The following ASH1L variants were observed in gnomAD, a reference collection of about 807,000 sequenced individuals.
ASH1L encodes histone-lysine N-methyltransferase ASH1L.
Under a neutral mutation model 269.0 loss-of-function variants are expected in ASH1L, and 23 were observed. The ratio of observed to expected loss-of-function variants is 0.09; its 90% CI spans 0.06 to 0.12. The LOEUF (loss-of-function observed/expected upper bound fraction) is 0.12. ASH1L is among the 10% of genes least tolerant of loss of function. ASH1L has a pLI of 1.00. For synonymous variants in ASH1L, 1,187 were observed against 1,253.5 expected (o/e 0.95, Z 1.12); for missense variants, 2,912 against 3,567.8 (o/e 0.82, Z 4.68).
intron 2 of ASH1L, among the ~76,000 whole-genome samples, chr1:155,501,763 A>G (rs1171932817): frequency 1.3e-5 from 2 of 152,020 alleles, no homozygotes; most frequent in East Asian, 3.9e-4. Context: ...CCCGGGTTCA[A>G]GCGATTCTCC....
chr1:155,516,938 C>G (rs1202878292), intron 2 of ASH1L, among the ~76,000 whole-genome samples: 1 of 152,038 alleles, frequency 6.6e-6, no homozygotes, highest in African/African-American at 2.4e-5. Context: ...TAAAATATTG[C>G]TGAAAGAAAT....
At chr1:155,441,269 GA>G (rs1405541042) in intron 4 of ASH1L, among the ~76,000 whole-genome samples, 1 of 151,844 alleles carries the variant, frequency 6.6e-6, no homozygotes, top group African/African-American at 2.4e-5. Flanking sequence ...TGTTAGGTTA[GA>G]AAAGGTCTGT....
chr1:155,524,467 A>T (rs1669103502), intron 1 of ASH1L, among the ~76,000 whole-genome samples: 1 of 150,024 alleles, frequency 6.7e-6, no homozygotes, highest in Non-Finnish European at 1.5e-5. Flanking sequence ...GCTTGCAGTG[A>T]GCCGAGATTG....
intron 5 of ASH1L, among the ~76,000 whole-genome samples, chr1:155,418,946 C>T (rs1458197500): frequency 6.6e-6 from 1 of 152,084 alleles, no homozygotes; most frequent in Non-Finnish European, 1.5e-5. Flanking sequence ...TGGTGGGTGC[C>T]TGTAGTCCCA....
intron 7 of ASH1L, among the ~76,000 whole-genome samples, chr1:155,380,324 T>C (rs1279509196): frequency 1.3e-5 from 2 of 152,124 alleles, no homozygotes; most frequent in Non-Finnish European, 2.9e-5. Context: ...TTAAGTATAA[T>C]AGTCTACATA....
At chr1:155,355,064 C>T (rs1044654758) in intron 15 of ASH1L, among the ~76,000 whole-genome samples, 4 of 151,438 alleles carry the variant, frequency 2.6e-5, no homozygotes, top group Non-Finnish European at 5.9e-5. Flanking sequence ...AAACTTACTA[C>T]TTTTTTTTTG....
intron 5 of ASH1L, among the ~76,000 whole-genome samples, chr1:155,436,152 A>G (rs1045078911): frequency 2.6e-5 from 4 of 152,130 alleles, no homozygotes; most frequent in Admixed American, 6.6e-5. Context: ...CTTTTGCCCT[A>G]TATTTTCTCC....
chr1:155,449,723 G>A (rs1663331332), intron 4 of ASH1L, among the ~76,000 whole-genome samples: 1 of 152,026 alleles, frequency 6.6e-6, no homozygotes, highest in Admixed American at 6.5e-5. Context: ...GTTTCACCAT[G>A]TTAGCCAGGA....
At chr1:155,367,264 T>A (rs1571013795) in intron 12 of ASH1L, among the ~76,000 whole-genome samples, 4 of 152,218 alleles carry the variant, frequency 2.6e-5, no homozygotes, top group Non-Finnish European at 5.9e-5. Context: ...AGTGCTGGGA[T>A]TATAGGCGTA....
At chr1:155,460,597 G>A (rs984349200) in intron 3 of ASH1L, among the ~76,000 whole-genome samples, 4 of 152,266 alleles carry the variant, frequency 2.6e-5, no homozygotes, top group African/African-American at 9.6e-5. Flanking sequence ...AACAGAGCAA[G>A]ACTCCATCTC....
At chr1:155,473,316 A>C (rs1665251822) in intron 3 of ASH1L, among the ~76,000 whole-genome samples, 1 of 152,130 alleles carries the variant, frequency 6.6e-6, no homozygotes, top group Non-Finnish European at 1.5e-5. Flanking sequence ...GTTTGTACAA[A>C]AGAAACAAAC....
chr1:155,470,749 A>T (rs571905952), intron 3 of ASH1L, among the ~76,000 whole-genome samples: 23 of 151,908 alleles, frequency 1.5e-4, no homozygotes, highest in African/African-American at 5.5e-4. Context: ...GCAGGGTTTT[A>T]CCATGTTGGC....
chr1:155,532,740 T>G (rs972510633), intron 1 of ASH1L, among the ~76,000 whole-genome samples: 3 of 151,288 alleles, frequency 2.0e-5, no homozygotes, highest in Non-Finnish European at 4.4e-5. Flanking sequence ...GAAGAATCAC[T>G]TGAACCCAGG....
chr1:155,494,588 A>G (rs1667029124), intron 2 of ASH1L, among the ~76,000 whole-genome samples: 2 of 152,206 alleles, frequency 1.3e-5, no homozygotes. Flanking sequence ...GGCTTGCAAA[A>G]TTAATTAGGC....
Position 155,338,299 on chromosome 1 carries a change from T to C in ASH1L, c.8593A>G (p.Ser2865Gly), listed in dbSNP as rs776577698. The change falls in exon 27 of 28, where the codon AGT becomes GGT. Residue 2865 changes from serine (S) to glycine (G), a missense_variant. By Grantham distance (56) the Ser-to-Gly change is moderately conservative (BLOSUM62 0). Transcript: ENST00000392403. ...ATCTCATTGGCTGCTTGCTCTTGAC[T>C]GGCTAGAACCTCTTCAATCAAGGGT... ...ALPLIEEVLA[S>G]QEQAANEIPS... 2.5e-6 allele frequency: 4 copies of C among 1,614,108 alleles called. No homozygotes were observed. Among genetic ancestry groups the C allele is most frequent in the Non-Finnish European group, 3.4e-6 (4 of 1,180,022 alleles).
intron 7 of ASH1L, among the ~76,000 whole-genome samples, chr1:155,382,093 G>C (rs1206600900): frequency 6.6e-6 from 1 of 151,950 alleles, no homozygotes; most frequent in African/African-American, 2.4e-5. Flanking sequence ...TGTAGTCCCA[G>C]CTACTCAGGA....
Position 155,479,389 on chromosome 1 carries a change from A to T in ASH1L, c.3481T>A (p.Leu1161Ile). The change falls in exon 3 of 28, where the codon TTA becomes ATA. Residue 1161 changes from leucine to isoleucine, a missense_variant. This residue lies in a region of ASH1L where 157 missense variants were observed against 154.6 expected (regional missense o/e 1.02). Coordinates refer to ENST00000392403, the MANE Select transcript of ASH1L (RefSeq NM_018489.3). Reference sequence around the variant, plus strand: ...TTTGGCAACAAAGTAGGAGGAGATAACCGCCTCCTCCCCTTTGAGGCCTTC... The same window carrying T: ...TTTGGCAACAAAGTAGGAGGAGATATCCGCCTCCTCCCCTTTGAGGCCTTC... ...MKKASKGRRR[L>I]SPPTLLPNSP... 1 of 1,614,114 alleles carries T rather than the reference A, an allele frequency of 6.2e-7. No individual in the cohort carries two copies. The highest frequency in any genetic ancestry group is 8.5e-7 in the Non-Finnish European group (1 of 1,180,014).
At chr1:155,411,268 G>A (rs1033228537) in intron 6 of ASH1L, among the ~76,000 whole-genome samples, 11 of 152,098 alleles carry the variant, frequency 7.2e-5, no homozygotes, top group Admixed American at 2.6e-4. Context: ...ATGCATACAT[G>A]TACTAAACTG....
chr1:155,363,330 C>T (rs886593284), intron 12 of ASH1L, among the ~76,000 whole-genome samples: 8 of 152,022 alleles, frequency 5.3e-5, no homozygotes, highest in African/African-American at 7.2e-5. Flanking sequence ...GGCTGGAGTA[C>T]AGTGGCGCAA....
Sources: allele counts gnomAD v4.1 joint callset (sites outside exome capture counted in the v4.1 genomes callset), GRCh38; gene constraint gnomAD v4.1.1; regional missense constraint gnomAD v4.1.1; transcripts MANE v1.5; gene names NCBI Gene and HGNC (gene_info 2026-07-23, HGNC 2026-07-21).